Variants in NRXN3 observed in about 807,000 individuals in gnomAD.
The protein encoded by NRXN3 is neurexin III.
Under a neutral mutation model 137.6 loss-of-function variants are expected in NRXN3, and 32 were observed. That is an observed-to-expected ratio of 0.23 (90% CI 0.18 to 0.31). NRXN3 has a LOEUF of 0.31. Among genes scored for constraint, NRXN3 ranks in the 10% least tolerant of loss-of-function variants. The pLI is 1.00. For missense variants in NRXN3, 1,574 were observed against 2,062.5 expected, an observed-to-expected ratio of 0.76 and a Z score of 4.59; for synonymous variants, 798 against 784.5, an observed-to-expected ratio of 1.02 and a Z score of -0.29.
At chr14:78,486,767 G>A (rs2095566542) in intron 4 of NRXN3, among the ~76,000 whole-genome samples, 2 of 152,148 alleles carry the variant, frequency 1.3e-5, no homozygotes, top group African/African-American at 2.4e-5. Flanking sequence ...TTGTCTATTA[G>A]AGGGTGATGT....
intron 16 of NRXN3, among the ~76,000 whole-genome samples, chr14:79,556,890 C>T (rs2097434944): frequency 6.6e-6 from 1 of 152,282 alleles, no homozygotes; most frequent in African/African-American, 2.4e-5. Flanking sequence ...CCCAATGTTG[C>T]ACCTTTGCAT....
intron 15 of NRXN3, among the ~76,000 whole-genome samples, chr14:78,988,661 A>T (rs1484778450): frequency 6.6e-6 from 1 of 152,208 alleles, no homozygotes; most frequent in African/African-American, 2.4e-5. Flanking sequence ...AGCAAAGCTT[A>T]AAGCGTTCTT....
intron 10 of NRXN3, among the ~76,000 whole-genome samples, chr14:78,905,456 A>G (rs930816161): frequency 6.6e-6 from 1 of 152,008 alleles, no homozygotes; most frequent in African/African-American, 2.4e-5. Context: ...ACCTGATATC[A>G]TAACTTTTTT....
At chr14:79,008,251 A>G (rs2099558608) in intron 15 of NRXN3, among the ~76,000 whole-genome samples, 1 of 152,218 alleles carries the variant, frequency 6.6e-6, no homozygotes, top group Admixed American at 6.5e-5. Flanking sequence ...TAAAAGCCCA[A>G]TTCAATTTTA....
intron 4 of NRXN3, among the ~76,000 whole-genome samples, chr14:78,457,899 T>G (rs1413143893): frequency 6.6e-6 from 1 of 152,022 alleles, no homozygotes; most frequent in African/African-American, 2.4e-5. Context: ...TGCCCATGGG[T>G]GATGTGGTAA....
chr14:78,440,927 A>T (rs886776434), intron 4 of NRXN3, among the ~76,000 whole-genome samples: 3 of 152,112 alleles, frequency 2.0e-5, no homozygotes, highest in Non-Finnish European at 4.4e-5. Flanking sequence ...AATTTCAATT[A>T]ACTGGGTCCA....
intron 19 of NRXN3, among the ~76,000 whole-genome samples, chr14:79,768,344 C>T (rs1362490463): frequency 6.6e-6 from 1 of 152,250 alleles, no homozygotes; most frequent in Non-Finnish European, 1.5e-5. Context: ...AAAAAGACAG[C>T]AGTAACCTCT....
At chr14:79,358,617 G>GAAAGAAAGAA (rs1566902590) in intron 15 of NRXN3, among the ~76,000 whole-genome samples, 1 of 133,506 alleles carries the variant, frequency 7.5e-6, no homozygotes, top group African/African-American at 2.8e-5. Context: ...GAGAAAGAAA[G>GAAAGAAAGAA]AAAGAAAGAA....
intron 15 of NRXN3, among the ~76,000 whole-genome samples, chr14:79,424,957 A>AC (rs2095633004): frequency 6.6e-6 from 1 of 152,216 alleles, no homozygotes; most frequent in Non-Finnish European, 1.5e-5. Flanking sequence ...GATTGGCAGC[A>AC]AGCTGACTAA....
intron 1 of NRXN3, among the ~76,000 whole-genome samples, chr14:78,240,502 T>C (rs796205546): frequency 6.6e-5 from 10 of 152,288 alleles, no homozygotes; most frequent in African/African-American, 1.7e-4. Flanking sequence ...GTAAATATGC[T>C]GTGTAAACTG....
chr14:78,702,096 C>T (rs2098286397), intron 6 of NRXN3, among the ~76,000 whole-genome samples: 1 of 152,158 alleles, frequency 6.6e-6, no homozygotes, highest in African/African-American at 2.4e-5. Flanking sequence ...AGAGGACCAT[C>T]TGCTGCCACA....
At chr14:79,484,497 T>C (rs145361593) in intron 16 of NRXN3, among the ~76,000 whole-genome samples, 14 of 152,356 alleles carry the variant, frequency 9.2e-5, no homozygotes, top group Admixed American at 1.3e-4. Flanking sequence ...GGTTTAACTC[T>C]ACTGGGCCAG....
chr14:79,603,648 G>A (rs1479630298), intron 16 of NRXN3, among the ~76,000 whole-genome samples: 1 of 151,426 alleles, frequency 6.6e-6, no homozygotes, highest in Non-Finnish European at 1.5e-5. Flanking sequence ...TAGGACCCAA[G>A]TCTTTGTCCT....
At chr14:78,221,928 T>C (rs1330021606) in intron 1 of NRXN3, among the ~76,000 whole-genome samples, 4 of 152,172 alleles carry the variant, frequency 2.6e-5, no homozygotes, top group African/African-American at 9.7e-5. Flanking sequence ...ACTCCACCCA[T>C]GCAGGCAGGA....
chr14:78,774,082 G>A, intron 8 of NRXN3, among the ~76,000 whole-genome samples: 1 of 151,998 alleles, frequency 6.6e-6, no homozygotes, highest in Non-Finnish European at 1.5e-5. Context: ...TTACAGGCAT[G>A]AGCCACCGCG....
intron 15 of NRXN3, among the ~76,000 whole-genome samples, chr14:79,266,636 T>C (rs1381924618): frequency 6.6e-6 from 1 of 152,146 alleles, no homozygotes; most frequent in Non-Finnish European, 1.5e-5. Context: ...TATCAGGAAA[T>C]GTACATCTCT....
intron 4 of NRXN3, among the ~76,000 whole-genome samples, chr14:78,620,347 T>A (rs2097389784): frequency 6.6e-6 from 1 of 152,298 alleles, no homozygotes; most frequent in East Asian, 1.9e-4. Flanking sequence ...ATGCAGATAA[T>A]GTGTTAGGCA....
intron 1 of NRXN3, among the ~76,000 whole-genome samples, chr14:78,236,411 G>T (rs181012109): frequency 8.5e-5 from 13 of 152,172 alleles, no homozygotes; most frequent in Non-Finnish European, 1.8e-4. Flanking sequence ...GAGATGAAGA[G>T]CAATCATTCT....
Position 78,803,783 on chromosome 14 carries a change from G to A in NRXN3, c.2208G>A (p.Leu736=), listed in dbSNP as rs377364323. 6.2e-6 allele frequency: 10 copies of A among 1,614,020 alleles called. No individual in the cohort carries two copies. Among genetic ancestry groups the A allele is most frequent in the Admixed American group, 1.7e-5 (1 of 60,026 alleles). ...GGGACTCTGCCGACACCCTGCGTCT[G>A]GAGCTGGATGGGGGGCGTGTCAAGC... The part of the protein sequence containing the change: ...TSRDSADTLR[L]ELDGGRVKLM... The change falls in exon 9 of 21, where the codon CTG becomes CTA. Residue 736 remains leucine (L), a synonymous_variant. Coordinates refer to ENST00000335750, the MANE Select transcript of NRXN3 (RefSeq NM_001330195.2).
Sources: allele counts gnomAD v4.1 joint callset (sites outside exome capture counted in the v4.1 genomes callset), GRCh38; gene constraint gnomAD v4.1.1; transcripts MANE v1.5; gene names NCBI Gene and HGNC (gene_info 2026-07-23, HGNC 2026-07-21).